COL13A1: variants seen among roughly 807,000 people sequenced by gnomAD.
COL13A1 encodes the protein collagen alpha-1(XIII) chain.
In COL13A1, 89 loss-of-function variants were observed where a neutral mutation model predicts 130.9. That is an observed-to-expected ratio of 0.68 (90% CI 0.57 to 0.81). The LOEUF is 0.81. Ranked by LOEUF, COL13A1 falls within the 30% of genes least tolerant of loss-of-function variation. COL13A1 has a pLI of 0.00. For missense variants in COL13A1, 879 were observed against 934.6 expected (o/e 0.94, Z 0.78); for synonymous variants, 402 against 341.6 (o/e 1.18, Z -1.95).
intron 15 of COL13A1, 32 bp from the exon 16 acceptor site, chr10:69,904,901 T>G: frequency 6.5e-7 from 1 of 1,536,070 alleles, no homozygotes; most frequent in African/African-American, 1.4e-5. Flanking sequence ...ACCTTTTCTT[T>G]TTTCTTTTTT....
chr10:69,937,823 A>G lies in COL13A1; in HGVS notation c.1878+108A>G, dbSNP rs764569044. On this transcript the variant is annotated intron_variant, in intron 34 of 40. Coordinates refer to ENST00000645393, the MANE Select transcript of COL13A1 (RefSeq NM_001368882.1). ...CTAAGGTTCTAGAGTCTGAGCATCC[A>G]GAGTTCCATGTGGTTTGTCTTTCCC... The G allele has an allele frequency of 1.3e-4, 85 of 639,668 alleles. No homozygotes were observed. In the Middle Eastern group the frequency reaches 1.6e-3, roughly 12 times the overall value. The allele number at this position is 639,668 out of a possible 1,614,324, so 39.6% of individuals were successfully genotyped here. A position where few individuals can be genotyped will look rare whatever the true frequency, so the allele number is the denominator to read the frequency against.
At chr10:69,871,243 G>T (rs75630710) in intron 3 of COL13A1, among the ~76,000 whole-genome samples, 1 of 152,220 alleles carries the variant, frequency 6.6e-6, no homozygotes, top group East Asian at 1.9e-4. Context: ...TGGGGGCCTG[G>T]GAAAGCAGGA....
chr10:69,880,204 C>G (rs2059991826), intron 6 of COL13A1, among the ~76,000 whole-genome samples: 1 of 152,102 alleles, frequency 6.6e-6, no homozygotes, highest in Non-Finnish European at 1.5e-5. Flanking sequence ...TCCCCGGAAC[C>G]CCATGTCCTG....
intron 17 of COL13A1, among the ~76,000 whole-genome samples, chr10:69,912,301 C>T (rs891081580): frequency 2.0e-5 from 3 of 152,312 alleles, no homozygotes; most frequent in South Asian, 2.1e-4. Flanking sequence ...CACCCGACCC[C>T]GGTAATTCCC....
At chr10:69,807,052 C>A (rs1841782606) in intron 1 of COL13A1, among the ~76,000 whole-genome samples, 1 of 152,104 alleles carries the variant, frequency 6.6e-6, no homozygotes, top group Non-Finnish European at 1.5e-5. Context: ...CTTCTAGGCC[C>A]AAGGGGAAGC....
chr10:69,898,793 G>T, intron 14 of COL13A1, 31 bp downstream of exon 14: 2 of 1,585,134 alleles, frequency 1.3e-6, no homozygotes, highest in African/African-American at 2.7e-5. Context: ...CAGACCATGT[G>T]TGGTTTCCCA....
chr10:69,806,589 T>C (rs1050081769), intron 1 of COL13A1, among the ~76,000 whole-genome samples: 6 of 152,222 alleles, frequency 3.9e-5, no homozygotes, highest in African/African-American at 1.2e-4. Context: ...GCACTCCAGC[T>C]GCCTGTTATT....
At position 69,952,869 on chromosome 10, in the gene COL13A1, C is replaced by A; in HGVS notation, c.2059-13C>A. 1 of 1,536,314 alleles carries A rather than the reference C, an allele frequency of 6.5e-7. No individual in the cohort carries two copies. Among genetic ancestry groups the A allele is most frequent in the Non-Finnish European group, 8.7e-7 (1 of 1,144,912 alleles). ...TTTGATGTTTTTTTCTCGGACTAAACCATTATTTACAGGGGGAGAGGGGGA... is the reference window on the plus strand; with the variant it reads ...TTTGATGTTTTTTTCTCGGACTAAAACATTATTTACAGGGGGAGAGGGGGA... On this transcript the variant is annotated splice_polypyrimidine_tract_variant and intron_variant, in intron 38 of 40. Transcript: ENST00000645393.
chr10:69,855,878 A>G (rs546150493), intron 2 of COL13A1, among the ~76,000 whole-genome samples: 1 of 148,624 alleles, frequency 6.7e-6, no homozygotes, highest in East Asian at 2.0e-4. Context: ...GTACAAGTTC[A>G]ATGTCCAAAC....
chr10:69,873,977 A>G (rs2059340451), intron 4 of COL13A1, among the ~76,000 whole-genome samples: 1 of 152,196 alleles, frequency 6.6e-6, no homozygotes, highest in African/African-American at 2.4e-5. Context: ...ATCATGTGGC[A>G]TCCTCCCAGC....
At chr10:69,883,252 A>G (rs749159720) in intron 7 of COL13A1, among the ~76,000 whole-genome samples, 3 of 152,190 alleles carry the variant, frequency 2.0e-5, no homozygotes, top group Non-Finnish European at 4.4e-5. Flanking sequence ...TGGACCTCCA[A>G]GATGCTGGCT....
At chr10:69,859,380 C>T (rs1353660931) in intron 2 of COL13A1, among the ~76,000 whole-genome samples, 1 of 152,224 alleles carries the variant, frequency 6.6e-6, no homozygotes, top group Non-Finnish European at 1.5e-5. Context: ...AGCCTGCAGC[C>T]CCTCCCAGGC....
At chr10:69,943,725 T>C (rs960506895) in intron 35 of COL13A1, among the ~76,000 whole-genome samples, 3 of 152,010 alleles carry the variant, frequency 2.0e-5, no homozygotes, top group Non-Finnish European at 4.4e-5. Context: ...TCCATCTCTG[T>C]GGCATGAAGA....
chr10:69,847,225 C>T (rs1853397823), intron 2 of COL13A1, among the ~76,000 whole-genome samples: 1 of 152,174 alleles, frequency 6.6e-6, no homozygotes, highest in African/African-American at 2.4e-5. Context: ...AAAATTGAGG[C>T]TCAGAGAAGT....
At chr10:69,856,286 G>A (rs1454304552) in intron 2 of COL13A1, among the ~76,000 whole-genome samples, 4 of 152,196 alleles carry the variant, frequency 2.6e-5, no homozygotes, top group African/African-American at 9.6e-5. Flanking sequence ...GGTTGCAGCT[G>A]AGGGGTATCC....
intron 2 of COL13A1, among the ~76,000 whole-genome samples, chr10:69,855,945 A>G (rs1225025178): frequency 6.6e-6 from 1 of 152,222 alleles, no homozygotes; most frequent in Admixed American, 6.5e-5. Context: ...CAGTGGGCCC[A>G]CCCATCCATT....
intron 36 of COL13A1, among the ~76,000 whole-genome samples, chr10:69,944,694 GA>G (rs374168169): frequency 6.7e-6 from 1 of 149,034 alleles, no homozygotes; most frequent in East Asian, 2.0e-4. Flanking sequence ...AAGAAAGAAA[GA>G]AAGAAAAAGA....
intron 2 of COL13A1, chr10:69,829,102 C>A (rs1285227825): frequency 2.8e-6 from 1 of 358,648 alleles, no homozygotes; most frequent in African/African-American, 2.2e-5. Context: ...TTCTCGACCT[C>A]TCCCAGCATC....
intron 2 of COL13A1, 59 bp downstream of exon 2, chr10:69,822,497 T>C: frequency 1.5e-6 from 2 of 1,333,226 alleles, no homozygotes; most frequent in South Asian, 3.1e-5. Context: ...CCAGAGGCTC[T>C]TCCTGGTGGC....
Sources: gnomAD v4.1 joint callset for allele counts (sites outside exome capture counted in the v4.1 genomes callset) on GRCh38, gnomAD v4.1.1 for gene constraint, MANE v1.5 for transcripts, NCBI Gene and HGNC (gene_info 2026-07-23, HGNC 2026-07-21) for gene names.